Variants in ADAMTS12 observed in about 807,000 individuals in gnomAD.
The protein encoded by ADAMTS12 is A disintegrin and metalloproteinase with thrombospondin motifs 12.
Under a neutral mutation model 167.8 loss-of-function variants are expected in ADAMTS12, and 118 were observed. The ratio of observed to expected loss-of-function variants is 0.70; its 90% CI spans 0.61 to 0.82. The LOEUF (loss-of-function observed/expected upper bound fraction) is 0.82, where lower values mean the gene tolerates loss of function less well. ADAMTS12 is among the 40% of genes least tolerant of loss of function. The pLI is 0.00. For missense variants in ADAMTS12, 1,916 were observed against 1,998.8 expected (o/e 0.96, Z 0.79); for synonymous variants, 704 against 716.9 (o/e 0.98, Z 0.29).
In ADAMTS12 at chr5:33,765,102, C is replaced by T. The variant is rs1156239577; in HGVS notation, c.490-13554G>A. 5.3e-5 allele frequency among the ~76,000 whole-genome samples: 8 copies of T among 152,106 alleles called. 1 individual carries two copies. In the South Asian group the frequency reaches 1.0e-3, roughly 20 times the overall value. On this transcript the variant is annotated intron_variant, in intron 2 of 23. Coordinates refer to ENST00000504830, the MANE Select transcript of ADAMTS12 (RefSeq NM_030955.4). ...TTTCTTTTCCCAATGTTTTATTTTG[C>T]AAAATTTTTAAAGTACAGAAAATTT...
At chr5:33,837,189 C>T (rs575786881) in intron 2 of ADAMTS12, among the ~76,000 whole-genome samples, 3 of 152,304 alleles carry the variant, frequency 2.0e-5, no homozygotes, top group South Asian at 4.1e-4. Flanking sequence ...GGTCAGAGAT[C>T]GGGGCTGGGC....
chr5:33,693,783 A>G (rs529597872), intron 3 of ADAMTS12, among the ~76,000 whole-genome samples: 1 of 152,250 alleles, frequency 6.6e-6, no homozygotes, highest in Admixed American at 6.5e-5. Flanking sequence ...ACTCCCACCA[A>G]TCCTATTTAA....
chr5:33,569,609 CAAA>C (rs1746205576), intron 19 of ADAMTS12, among the ~76,000 whole-genome samples: 1 of 152,168 alleles, frequency 6.6e-6, no homozygotes, highest in African/African-American at 2.4e-5. Flanking sequence ...TCACCATCAT[CAAA>C]GACCAAAAGT....
At chr5:33,783,216 G>A (rs1746204682) in intron 2 of ADAMTS12, among the ~76,000 whole-genome samples, 2 of 151,804 alleles carry the variant, frequency 1.3e-5, no homozygotes, top group South Asian at 4.1e-4. Flanking sequence ...CATAAAGATG[G>A]AAACAAAACA....
chr5:33,721,284 G>T (rs1361824714), intron 3 of ADAMTS12, among the ~76,000 whole-genome samples: 1 of 152,174 alleles, frequency 6.6e-6, no homozygotes, highest in African/African-American at 2.4e-5. Flanking sequence ...TGGCGTGGGT[G>T]TTAGTTACAT....
At chr5:33,711,587 C>T (rs750778892) in intron 3 of ADAMTS12, among the ~76,000 whole-genome samples, 19 of 152,032 alleles carry the variant, frequency 1.2e-4, no homozygotes, top group Non-Finnish European at 2.5e-4. Context: ...CTCTCTTAAA[C>T]GACAGAACTG....
At chr5:33,595,157 T>C (rs1382635764) in intron 17 of ADAMTS12, among the ~76,000 whole-genome samples, 1 of 152,000 alleles carries the variant, frequency 6.6e-6, no homozygotes, top group Admixed American at 6.6e-5. Flanking sequence ...TTTTCCTTTC[T>C]TTTTTTTCTC....
At chr5:33,610,962 G>A (rs1357801530) in intron 16 of ADAMTS12, among the ~76,000 whole-genome samples, 1 of 152,116 alleles carries the variant, frequency 6.6e-6, no homozygotes, top group Non-Finnish European at 1.5e-5. Context: ...AGCTACTCAG[G>A]AGGCTGAGGC....
chr5:33,569,502 C>A (rs190352089), intron 19 of ADAMTS12, among the ~76,000 whole-genome samples: 1 of 152,334 alleles, frequency 6.6e-6, no homozygotes, highest in Admixed American at 6.5e-5. Context: ...GAGTGGACCT[C>A]TAGCAAGCTC....
At chr5:33,531,298 T>C (rs1318984187) in intron 23 of ADAMTS12, among the ~76,000 whole-genome samples, 1 of 152,240 alleles carries the variant, frequency 6.6e-6, no homozygotes, top group Non-Finnish European at 1.5e-5. Context: ...TTTATTATAA[T>C]TTGTTATGGC....
intron 2 of ADAMTS12, among the ~76,000 whole-genome samples, chr5:33,758,308 G>C (rs193133016): frequency 8.1e-4 from 124 of 152,248 alleles, no homozygotes; most frequent in African/African-American, 2.9e-3. Context: ...AGGCAGAAAG[G>C]TGCTGCCCAC....
rs1442335380 is a variant in ADAMTS12 at position 33,641,921 on chromosome 5, T to C, written c.1607A>G (p.Lys536Arg). The C allele has an allele frequency of 1.9e-6, 3 of 1,613,584 alleles. No homozygotes were observed. The highest frequency in any genetic ancestry group is 2.2e-5 in the South Asian group (2 of 91,040). The part of the protein sequence containing the change: ...CMAGKCITVG[K>R]KPESIPGGWG... ...GCCTCCAGGAATGCTCTCTGGTTTC[T>C]TCCCCACTGTGATGCACTTGCCTGC... The change falls in exon 11 of 24, where the codon AAG (lysine) becomes AGG (arginine). Residue 536 changes from lysine (K) to arginine (R), a missense_variant. Transcript: ENST00000504830.
chr5:33,671,220 G>C (rs1459098972), intron 5 of ADAMTS12, among the ~76,000 whole-genome samples: 2 of 152,134 alleles, frequency 1.3e-5, no homozygotes, highest in African/African-American at 4.8e-5. Context: ...GCTTGTGAGG[G>C]AACTGTTCTA....
intron 11 of ADAMTS12, among the ~76,000 whole-genome samples, chr5:33,638,825 T>C (rs1262350817): frequency 6.6e-6 from 1 of 152,198 alleles, no homozygotes; most frequent in African/African-American, 2.4e-5. Flanking sequence ...TTTTGATTTT[T>C]CTTTCCTTTG....
intron 18 of ADAMTS12, among the ~76,000 whole-genome samples, chr5:33,582,999 T>C (rs1747148278): frequency 6.6e-6 from 1 of 152,230 alleles, no homozygotes; most frequent in South Asian, 2.1e-4. Flanking sequence ...AATCTAATTA[T>C]ACTCTTTAAG....
At chr5:33,553,603 T>G (rs1745355285) in intron 20 of ADAMTS12, among the ~76,000 whole-genome samples, 1 of 152,120 alleles carries the variant, frequency 6.6e-6, no homozygotes, top group South Asian at 2.1e-4. Context: ...CTTAGCAAAC[T>G]AACACAGGAA....
rs903584597 is a variant in ADAMTS12, at chr5:33,642,158, A to G, written c.1573-203T>C. 3.3e-5 allele frequency among the ~76,000 whole-genome samples: 5 copies of G among 152,362 alleles called. No homozygotes were observed. The East Asian group carries it at 5.8e-4, about 18-fold the overall frequency. ...AGAATCAGAGAGTTTCAAGAATGGA[A>G]GGAAACTTTACGTTGCCTAATCACA... On this transcript the variant is annotated intron_variant, in intron 10 of 23. Coordinates refer to ENST00000504830, the MANE Select transcript of ADAMTS12 (RefSeq NM_030955.4).
chr5:33,543,158 G>A (rs1232460034), intron 22 of ADAMTS12, among the ~76,000 whole-genome samples: 4 of 151,972 alleles, frequency 2.6e-5, no homozygotes, highest in Non-Finnish European at 4.4e-5. Context: ...TCAAATAGAC[G>A]CAATAAAAAA....
At position 33,568,910 on chromosome 5, in the gene ADAMTS12, C is replaced by T. The variant is rs138612773; in HGVS notation, c.3972+7144G>A. 2.3e-3 allele frequency among the ~76,000 whole-genome samples: 349 copies of T among 152,370 alleles called. 1 individual carries two copies. The highest frequency in any genetic ancestry group is 7.7e-3 in the African/African-American group (320 of 41,598). ...CCACCTGAATACTGCGCTTTTCCGA[C>T]GGGCTTAGGAAATGGCACACCAGGG... On this transcript the variant is annotated intron_variant, in intron 19 of 23. Coordinates refer to ENST00000504830, the MANE Select transcript of ADAMTS12 (RefSeq NM_030955.4).
Sources: gnomAD v4.1 joint callset for allele counts (sites outside exome capture counted in the v4.1 genomes callset) on GRCh38, gnomAD v4.1.1 for gene constraint, MANE v1.5 for transcripts, NCBI Gene and HGNC (gene_info 2026-07-23, HGNC 2026-07-21) for gene names.